The following AGBL1 variants were observed in gnomAD, a reference collection of about 807,000 sequenced individuals.
The protein encoded by AGBL1 is cytosolic carboxypeptidase 4.
Under a neutral mutation model 118.9 loss-of-function variants are expected in AGBL1, and 130 were observed. The observed-to-expected ratio is 1.09, with a 90% confidence interval of 0.95 to 1.26. The LOEUF is 1.26. Among genes scored for constraint, AGBL1 ranks in the 50% most tolerant of loss-of-function variants. AGBL1 has a pLI of 0.00. For synonymous variants in AGBL1, 555 were observed against 478.9 expected (o/e 1.16, Z -2.08); for missense variants, 1,584 against 1,298.1 (o/e 1.22, Z -3.38).
chr15:86,898,736 C>T (rs2141575641), intron 22 of AGBL1, among the ~76,000 whole-genome samples: 1 of 151,798 alleles, frequency 6.6e-6, no homozygotes, highest in African/African-American at 2.4e-5. Flanking sequence ...AGGACGTGAA[C>T]AGATACTTTT....
rs1477573605 is a variant in AGBL1, at chr15:86,827,410, T to C, written c.3159-79677T>C. On this transcript the variant is annotated intron_variant, in intron 22 of 22. Coordinates refer to ENST00000614907, the MANE Select transcript of AGBL1 (RefSeq NM_001386094.1). ...ACATATATATATACATATATATATG[T>C]GTATATATATATATATATACACATA... Among the ~76,000 whole-genome samples, 55 of 7,538 alleles carry C rather than the reference T, an allele frequency of 7.3e-3. 4 individuals are homozygous for C. The highest frequency in any genetic ancestry group is 0.035 in the African/African-American group (37 of 1,072). 4.9% of individuals were successfully genotyped at this position (7,538 alleles called of 152,430 possible).
intron 21 of AGBL1, among the ~76,000 whole-genome samples, chr15:86,671,648 C>G (rs1027143704): frequency 2.6e-5 from 4 of 152,038 alleles, no homozygotes; most frequent in Non-Finnish European, 5.9e-5. Flanking sequence ...TCTCCTGGAG[C>G]CAAAATAAAA....
intron 1 of AGBL1, among the ~76,000 whole-genome samples, chr15:86,100,007 A>G (rs1362741565): frequency 6.6e-6 from 1 of 151,608 alleles, no homozygotes; most frequent in Non-Finnish European, 1.5e-5. Context: ...TGTTTCTTCT[A>G]TGTTTAATTT....
intron 18 of AGBL1, among the ~76,000 whole-genome samples, chr15:86,433,665 G>A (rs996458044): frequency 3.9e-5 from 6 of 152,042 alleles, no homozygotes; most frequent in East Asian, 1.9e-4. Flanking sequence ...GTACCTCCAG[G>A]GAGGGTGCCC....
intron 22 of AGBL1, among the ~76,000 whole-genome samples, chr15:86,676,275 C>T (rs994279114): frequency 6.6e-6 from 1 of 152,056 alleles, no homozygotes; most frequent in Non-Finnish European, 1.5e-5. Flanking sequence ...TTCACCCAGA[C>T]ATTTGTATGG....
intron 23 of AGBL1, among the ~76,000 whole-genome samples, chr15:86,968,783 G>A (rs1298887549): frequency 6.6e-6 from 1 of 151,822 alleles, no homozygotes; most frequent in African/African-American, 2.4e-5. Flanking sequence ...CAGTTCTAGA[G>A]GCTGGAAAGT....
At chr15:86,184,027 C>G (rs1597507246) in intron 5 of AGBL1, among the ~76,000 whole-genome samples, 2 of 152,192 alleles carry the variant, frequency 1.3e-5, no homozygotes, top group African/African-American at 2.4e-5. Context: ...TTTGCCACAG[C>G]CACAAGCTGG....
In AGBL1 at chr15:86,571,123, T is replaced by A. The variant is rs531926175; in HGVS notation, c.2994+16586T>A. Among the ~76,000 whole-genome samples the A allele has an allele frequency of 8.1e-4, 124 of 152,272 alleles. No individual in the cohort carries two copies. In the South Asian group the frequency reaches 8.5e-3, roughly 10 times the overall value. ...CTTCCCTGGCTGGCACTGGGGAATA[T>A]GGTGGCACCCTGAAGTTTGGAGATG... On this transcript the variant is annotated intron_variant, in intron 21 of 22. Transcript: ENST00000614907.
intron 5 of AGBL1, among the ~76,000 whole-genome samples, chr15:86,191,885 C>T (rs2077727290): frequency 6.8e-6 from 1 of 147,292 alleles, no homozygotes; most frequent in Admixed American, 6.8e-5. Flanking sequence ...CAAGCCTGGG[C>T]AACATAGACC....
At chr15:86,895,052 T>TCTTTCTTTTATCTTCCCTCCTGCC (rs2080103240) in intron 22 of AGBL1, among the ~76,000 whole-genome samples, 1 of 145,696 alleles carries the variant, frequency 6.9e-6, no homozygotes, top group Non-Finnish European at 1.5e-5. Flanking sequence ...TTTTGTTCCT[T>TCTTTCTTTTATCTTCCCTCCTGCC]CTTTCTTTTA....
At chr15:86,890,800 T>C (rs1180362600) in intron 22 of AGBL1, among the ~76,000 whole-genome samples, 1 of 152,210 alleles carries the variant, frequency 6.6e-6, no homozygotes, top group Non-Finnish European at 1.5e-5. Context: ...AGCCTTGTAG[T>C]ATAGTTTGAA....
chr15:86,225,409 G>C (rs539215208), intron 6 of AGBL1, among the ~76,000 whole-genome samples: 1 of 152,278 alleles, frequency 6.6e-6, no homozygotes, highest in Admixed American at 6.5e-5. Context: ...ACTCAGCTCA[G>C]CTCATGAGTC....
At chr15:86,764,393 A>G (rs1187879824) in intron 22 of AGBL1, among the ~76,000 whole-genome samples, 1 of 152,054 alleles carries the variant, frequency 6.6e-6, no homozygotes, top group Non-Finnish European at 1.5e-5. Flanking sequence ...AAGGCAAGAT[A>G]GGAATATGAT....
intron 18 of AGBL1, among the ~76,000 whole-genome samples, chr15:86,400,094 A>G (rs1028930979): frequency 3.3e-5 from 5 of 152,140 alleles, no homozygotes; most frequent in African/African-American, 1.2e-4. Context: ...CTTCCTTAGA[A>G]CATACGTAAC....
intron 18 of AGBL1, among the ~76,000 whole-genome samples, chr15:86,496,908 AC>A (rs1292986444): frequency 6.6e-6 from 1 of 152,054 alleles, no homozygotes; most frequent in Non-Finnish European, 1.5e-5. Flanking sequence ...AGTATAAATG[AC>A]AAATAAAAAT....
chr15:86,625,951 G>A (rs144980431), intron 21 of AGBL1, among the ~76,000 whole-genome samples: 2 of 152,268 alleles, frequency 1.3e-5, no homozygotes, highest in East Asian at 3.9e-4. Flanking sequence ...AACTTGGAAG[G>A]CACCAAGGAG....
Position 86,374,720 on chromosome 15 carries a change from C to A in AGBL1, c.2375-22646C>A, listed in dbSNP as rs187123413. On this transcript the variant is annotated intron_variant, in intron 17 of 22. Transcript: ENST00000614907. ...CTCCTGATTTGCTCCATGGGTATCT[C>A]TCATGAAACTATTTCTTTGGAAATG... 2.6e-5 allele frequency among the ~76,000 whole-genome samples: 4 copies of A among 152,330 alleles called. No homozygotes were observed. In the East Asian group the frequency reaches 7.7e-4, roughly 29 times the overall value.
intron 18 of AGBL1, among the ~76,000 whole-genome samples, chr15:86,478,460 C>T (rs1015056046): frequency 1.3e-5 from 2 of 152,146 alleles, no homozygotes; most frequent in African/African-American, 4.8e-5. Flanking sequence ...AGAGGCAAAT[C>T]ATGAGTGAAC....
At position 86,346,799 on chromosome 15, in the gene AGBL1, C is replaced by T. The variant is rs1473014821; in HGVS notation, c.2375-50567C>T. On this transcript the variant is annotated intron_variant, in intron 17 of 22. Transcript: ENST00000614907. ...GTAATTAGTCATAGCTTAACATCCA[C>T]AGGAAGAAGCTTGTGCTTGTATACC... Among the ~76,000 whole-genome samples, 3 of 152,224 alleles carry T rather than the reference C, an allele frequency of 2.0e-5. No individual in the cohort carries two copies. The East Asian group carries it at 5.8e-4, about 29-fold the overall frequency.
Sources: gnomAD v4.1 joint callset for allele counts (sites outside exome capture counted in the v4.1 genomes callset) on GRCh38, gnomAD v4.1.1 for gene constraint, MANE v1.5 for transcripts, NCBI Gene and HGNC (gene_info 2026-07-23, HGNC 2026-07-21) for gene names.